The following UGT1A6 variants were observed in gnomAD, a reference collection of about 807,000 sequenced individuals.
UGT1A6 encodes UDP glucuronosyltransferase family 1 member A6.
UGT1A6 carries 32 observed loss-of-function variants against 44.4 expected under a neutral mutation model. The observed-to-expected ratio is 0.72, with a 90% CI of 0.54 to 0.97. The LOEUF (loss-of-function observed/expected upper bound fraction) is 0.97. Among genes scored for constraint, UGT1A6 ranks in the 50% least tolerant of loss-of-function variants. The pLI, the probability that UGT1A6 is intolerant of heterozygous loss-of-function variation, is 0.00. For missense variants in UGT1A6, 685 were observed against 661.9 expected (o/e 1.03, Z -0.38); for synonymous variants, 238 against 248.5 (o/e 0.96, Z 0.40).
intron 1 of UGT1A6, among the ~76,000 whole-genome samples, chr2:233,725,317 C>CAGA (rs1559370683): frequency 2.7e-5 from 1 of 37,458 alleles, no homozygotes; most frequent in Admixed American, 2.3e-4. Flanking sequence ...GAGGCAGAGG[C>CAGA]GCCTGGTCAA....
intron 1 of UGT1A6, among the ~76,000 whole-genome samples, chr2:233,745,583 G>A (rs1693151733): frequency 6.6e-6 from 1 of 151,632 alleles, no homozygotes; most frequent in Non-Finnish European, 1.5e-5. Context: ...GACATAACCT[G>A]AGACCCGGAC....
chr2:233,712,443 C>G (rs1223728357), intron 1 of UGT1A6, among the ~76,000 whole-genome samples: 1 of 152,142 alleles, frequency 6.6e-6, no homozygotes, highest in East Asian at 1.9e-4. Context: ...TGAAAAACGA[C>G]CAAAACCAGA....
chr2:233,710,827 C>T (rs1223443223), intron 1 of UGT1A6, among the ~76,000 whole-genome samples: 2 of 152,170 alleles, frequency 1.3e-5, no homozygotes, highest in East Asian at 3.8e-4. Context: ...GAATCTTTGT[C>T]TACCAAAAGG....
chr2:233,729,741 G>A (rs746811742), intron 1 of UGT1A6: 25 of 1,613,946 alleles, frequency 1.5e-5, no homozygotes, highest in South Asian at 3.3e-5. Context: ...CAGACCACAT[G>A]ACATTCATGC....
intron 1 of UGT1A6, among the ~76,000 whole-genome samples, chr2:233,754,141 CATTAA>C (rs911730830): frequency 6.6e-6 from 1 of 152,194 alleles, no homozygotes; most frequent in Admixed American, 6.5e-5. Flanking sequence ...TAAAAGCCAT[CATTAA>C]ATTAAGCCAG....
chr2:233,723,609 T>C (rs2077104515), intron 1 of UGT1A6, among the ~76,000 whole-genome samples: 1 of 104,888 alleles, frequency 9.5e-6, no homozygotes. Context: ...GGGACAATAG[T>C]GGAGGGAAGG....
At chr2:233,729,935 T>C (rs2077953750) in intron 1 of UGT1A6, 1 of 1,614,092 alleles carries the variant, frequency 6.2e-7, no homozygotes, top group African/African-American at 1.3e-5. Flanking sequence ...AGGCCAATCA[T>C]GCCCAACATG....
intron 1 of UGT1A6, among the ~76,000 whole-genome samples, chr2:233,724,747 C>T (rs1469881894): frequency 7.0e-6 from 1 of 143,144 alleles, no homozygotes; most frequent in Admixed American, 7.0e-5. Context: ...TCCTCACATC[C>T]CAGACGATGG....
At chr2:233,701,960 C>G (rs542738545) in intron 1 of UGT1A6, among the ~76,000 whole-genome samples, 1 of 151,922 alleles carries the variant, frequency 6.6e-6, no homozygotes, top group Non-Finnish European at 1.5e-5. Flanking sequence ...CAAACACATT[C>G]AAAAGCTAGT....
At chr2:233,771,035 G>A (rs1472903021) in intron 4 of UGT1A6, 1 of 152,036 alleles carries the variant, frequency 6.6e-6, no homozygotes, top group South Asian at 2.1e-4. Context: ...TGGGGGGGAA[G>A]GTGCCACACA....
intron 1 of UGT1A6, among the ~76,000 whole-genome samples, chr2:233,734,109 T>C (rs1028372875): frequency 6.6e-6 from 1 of 152,072 alleles, no homozygotes; most frequent in African/African-American, 2.4e-5. Flanking sequence ...AGTATAATAA[T>C]AATAATAATA....
At chr2:233,747,962 C>A (rs780665543) in intron 1 of UGT1A6, 1 of 1,613,470 alleles carries the variant, frequency 6.2e-7, no homozygotes, top group Middle Eastern at 1.7e-4. Flanking sequence ...ATCTTCTCAG[C>A]CATGCATCTG....
chr2:233,719,086 T>C lies in UGT1A6; in HGVS notation c.861+25221T>C, dbSNP rs374586565. The stretch of plus-strand genomic sequence containing the variant: ...GCTGTTCCATGGACCCAGAAGGAAT[T>C]TGATCGCGTTACGCTGGGCTACACT... On this transcript the variant is annotated intron_variant, in intron 1 of 4. Transcript: ENST00000305139. 69 of 1,614,132 alleles carry C rather than the reference T, an allele frequency of 4.3e-5. No individual in the cohort carries two copies. The highest frequency in any genetic ancestry group is 5.4e-5 in the Non-Finnish European group (64 of 1,180,050).
At chr2:233,712,032 A>G (rs564582261) in intron 1 of UGT1A6, among the ~76,000 whole-genome samples, 2 of 152,204 alleles carry the variant, frequency 1.3e-5, no homozygotes, top group Non-Finnish European at 2.9e-5. Flanking sequence ...TTGGTGCTGG[A>G]TTGACTTGGA....
chr2:233,712,949 A>C, intron 1 of UGT1A6: 1 of 1,612,750 alleles, frequency 6.2e-7, no homozygotes. Flanking sequence ...TCTAGGAGGC[A>C]CAACGTGGGG....
intron 1 of UGT1A6, chr2:233,750,662 C>T (rs1387659754): frequency 7.0e-6 from 1 of 143,446 alleles, no homozygotes; most frequent in Non-Finnish European, 1.5e-5. Context: ...ACTTGGTGCC[C>T]TGTGTCCCAG....
chr2:233,722,177 A>G (rs1303891517), intron 1 of UGT1A6: 1 of 157,672 alleles, frequency 6.3e-6, no homozygotes, highest in East Asian at 1.9e-4. Context: ...GACCTTTGCC[A>G]TGTTCGTGCC....
intron 1 of UGT1A6, among the ~76,000 whole-genome samples, chr2:233,706,653 C>T (rs940333548): frequency 1.3e-5 from 2 of 152,184 alleles, no homozygotes; most frequent in African/African-American, 4.8e-5. Flanking sequence ...TGCCCCATCA[C>T]TGTAGGTCTG....
rs28898606 is a variant in UGT1A6, at chr2:233,716,997, G to A, written c.861+23132G>A. Among the ~76,000 whole-genome samples, 1,356 of 152,258 alleles carry A rather than the reference G, an allele frequency of 8.9e-3. 31 individuals carry two copies. The highest frequency in any genetic ancestry group is 0.031 in the African/African-American group (1,268 of 41,526). On this transcript the variant is annotated intron_variant, in intron 1 of 4. Coordinates refer to ENST00000305139, the MANE Select transcript of UGT1A6 (RefSeq NM_001072.4). Reference sequence around the variant, plus strand: ...TCCCCACAGTCCTGCTGTCCTCAGGGCCCCTATGTCTCTGAAGGCACCACC... The same window carrying A: ...TCCCCACAGTCCTGCTGTCCTCAGGACCCCTATGTCTCTGAAGGCACCACC...
Sources: allele counts gnomAD v4.1 joint callset (sites outside exome capture counted in the v4.1 genomes callset), GRCh38; gene constraint gnomAD v4.1.1; transcripts MANE v1.5; gene names NCBI Gene and HGNC (gene_info 2026-07-23, HGNC 2026-07-21).